Variants in NUBPL observed in about 807,000 individuals in gnomAD.
The protein encoded by NUBPL is NUBP iron-sulfur cluster assembly factor, mitochondrial, also known as iron-sulfur cluster transfer protein NUBPL.
NUBPL carries 31 observed loss-of-function variants against 45.7 expected under a neutral mutation model. The ratio of observed to expected loss-of-function variants is 0.68; its 90% confidence interval spans 0.51 to 0.92. The LOEUF is 0.92. NUBPL is among the 40% of genes least tolerant of loss of function. The probability of loss-of-function intolerance (pLI) is 0.00; values close to 1 mark genes in which losing one functional copy is unlikely to be tolerated. For synonymous variants in NUBPL, 144 were observed against 140.9 expected (o/e 1.02, Z -0.15); for missense variants, 401 against 398.7 (o/e 1.01, Z -0.05).
intron 3 of NUBPL, among the ~76,000 whole-genome samples, chr14:31,593,982 A>G (rs1171777984): frequency 1.3e-5 from 2 of 152,202 alleles, no homozygotes; most frequent in African/African-American, 4.8e-5. Flanking sequence ...TTTAGGCTTC[A>G]TGATACACTG....
chr14:31,771,437 C>A lies in NUBPL; in HGVS notation c.514-16343C>A, dbSNP rs114939220. 6.6e-3 allele frequency among the ~76,000 whole-genome samples: 997 copies of A among 152,024 alleles called. 12 individuals carry two copies. The highest frequency in any genetic ancestry group is 0.023 in the African/African-American group (934 of 41,484). On this transcript the variant is annotated intron_variant, in intron 6 of 10. Coordinates refer to ENST00000281081, the MANE Select transcript of NUBPL (RefSeq NM_025152.3). ...TTTTATTTTATATATCTATTTTATC[C>A]TACACTGAAGAAGTAATATAATAAA... is the stretch of plus-strand genomic sequence containing the variant.
At chr14:31,569,740 A>T (rs141645805) in intron 3 of NUBPL, among the ~76,000 whole-genome samples, 33 of 152,322 alleles carry the variant, frequency 2.2e-4, no homozygotes, top group African/African-American at 7.7e-4. Context: ...TCATGTTGTT[A>T]GCTTGAAATA....
At chr14:31,705,409 C>A (rs909598956) in intron 6 of NUBPL, among the ~76,000 whole-genome samples, 1 of 152,172 alleles carries the variant, frequency 6.6e-6, no homozygotes, top group African/African-American at 2.4e-5. Context: ...CTAGCCTCAC[C>A]CACATCCTAC....
chr14:31,589,680 A>G (rs1309221053), intron 3 of NUBPL, among the ~76,000 whole-genome samples: 1 of 152,146 alleles, frequency 6.6e-6, no homozygotes, highest in African/African-American at 2.4e-5. Flanking sequence ...ACAAGCACAC[A>G]CACACCACAT....
intron 4 of NUBPL, among the ~76,000 whole-genome samples, chr14:31,647,131 A>T (rs536500614): frequency 2.0e-4 from 30 of 152,230 alleles, no homozygotes; most frequent in African/African-American, 5.8e-4. Context: ...CTTGGAGATC[A>T]CTGAGTTTCC....
chr14:31,653,630 A>G (rs2036067051), intron 4 of NUBPL, among the ~76,000 whole-genome samples: 1 of 152,136 alleles, frequency 6.6e-6, no homozygotes, highest in South Asian at 2.1e-4. Context: ...CTGATTTCGT[A>G]TTGTTCAAAC....
At chr14:31,848,752 ATCT>A (rs1196499829) in intron 9 of NUBPL, among the ~76,000 whole-genome samples, 1 of 152,118 alleles carries the variant, frequency 6.6e-6, no homozygotes, top group Non-Finnish European at 1.5e-5. Context: ...TCTTGGTCTA[ATCT>A]TCTGTGTCTG....
rs193187066 is a variant in NUBPL, at chr14:31,683,630, C to T, written c.513+10056C>T. On this transcript the variant is annotated intron_variant, in intron 6 of 10. Coordinates refer to ENST00000281081, the MANE Select transcript of NUBPL (RefSeq NM_025152.3). Reference sequence around the variant, plus strand: ...CCCCCCAAAGTGCTGGGATTACAGGCGTGAGCCACCGCGCCCGGCTGCCAA... The same window carrying T: ...CCCCCCAAAGTGCTGGGATTACAGGTGTGAGCCACCGCGCCCGGCTGCCAA... Among the ~76,000 whole-genome samples, 381 of 152,202 alleles carry T rather than the reference C, an allele frequency of 2.5e-3. 3 individuals carry two copies. Among genetic ancestry groups the T allele is most frequent in the African/African-American group, 8.1e-3 (336 of 41,556 alleles).
chr14:31,708,346 G>C (rs1203512496), intron 6 of NUBPL, among the ~76,000 whole-genome samples: 4 of 152,158 alleles, frequency 2.6e-5, no homozygotes, highest in Non-Finnish European at 5.9e-5. Flanking sequence ...ATTTGGACTG[G>C]GTGGGCATTT....
At chr14:31,786,189 C>T (rs556670696) in intron 6 of NUBPL, among the ~76,000 whole-genome samples, 1 of 151,978 alleles carries the variant, frequency 6.6e-6, no homozygotes, top group African/African-American at 2.4e-5. Context: ...TAAGTAAAAG[C>T]ATGATTATAT....
At chr14:31,800,197 T>C (rs1231913165) in intron 7 of NUBPL, among the ~76,000 whole-genome samples, 1 of 152,228 alleles carries the variant, frequency 6.6e-6, no homozygotes, top group Non-Finnish European at 1.5e-5. Context: ...CATCTGCAGT[T>C]ATTTCCTCCA....
chr14:31,619,432 C>T (rs1005569301), intron 4 of NUBPL, among the ~76,000 whole-genome samples: 4 of 152,194 alleles, frequency 2.6e-5, no homozygotes, highest in Non-Finnish European at 5.9e-5. Context: ...CCAGTGATTC[C>T]TTTCCACGTT....
intron 4 of NUBPL, among the ~76,000 whole-genome samples, chr14:31,666,757 A>T: frequency 6.6e-6 from 1 of 152,186 alleles, no homozygotes; most frequent in East Asian, 1.9e-4. Context: ...GTGGTGACAG[A>T]ATCCCTCAGC....
At chr14:31,617,704 C>T (rs1385233399) in intron 4 of NUBPL, among the ~76,000 whole-genome samples, 4 of 152,094 alleles carry the variant, frequency 2.6e-5, no homozygotes, top group African/African-American at 7.2e-5. Context: ...AATTTCACAT[C>T]GATGTTCATC....
chr14:31,814,727 A>T (rs2039881368), intron 7 of NUBPL, among the ~76,000 whole-genome samples: 1 of 152,166 alleles, frequency 6.6e-6, no homozygotes, highest in Non-Finnish European at 1.5e-5. Flanking sequence ...GGTGTAAGGT[A>T]GGGGTCCAGT....
At chr14:31,686,866 A>G (rs1328101858) in intron 6 of NUBPL, 1 of 152,252 alleles carries the variant, frequency 6.6e-6, no homozygotes, top group African/African-American at 2.4e-5. Context: ...CTGTAATCCC[A>G]GTGCTTTGGA....
chr14:31,735,603 C>T (rs1028385407), intron 6 of NUBPL, among the ~76,000 whole-genome samples: 1 of 152,140 alleles, frequency 6.6e-6, no homozygotes, highest in Non-Finnish European at 1.5e-5. Flanking sequence ...CCTGTAATCC[C>T]AGCACTTTGG....
At chr14:31,859,030 T>C (rs1219083980) in intron 10 of NUBPL, 88 bp from the exon 11 acceptor site, 2 of 1,109,398 alleles carry the variant, frequency 1.8e-6, no homozygotes, top group Admixed American at 1.8e-5. Flanking sequence ...TACTATCAAA[T>C]ACAGTGGGCC....
intron 7 of NUBPL, among the ~76,000 whole-genome samples, chr14:31,794,728 T>G (rs370158757): frequency 3.4e-4 from 4 of 11,664 alleles, no homozygotes; most frequent in East Asian, 1.5e-3. Context: ...AGAAGCTCTT[T>G]AGTTTAATTA....
Sources: allele counts gnomAD v4.1 joint callset (sites outside exome capture counted in the v4.1 genomes callset), GRCh38; gene constraint gnomAD v4.1.1; transcripts MANE v1.5; gene names NCBI Gene and HGNC (gene_info 2026-07-23, HGNC 2026-07-21).